ZNF24: variants seen among roughly 807,000 people sequenced by gnomAD.
The protein encoded by ZNF24 is retinoic acid suppression protein A.
In ZNF24, 11 loss-of-function variants were observed where a neutral mutation model predicts 40.9. The ratio of observed to expected loss-of-function variants is 0.27; its 90% CI spans 0.17 to 0.45. The LOEUF (loss-of-function observed/expected upper bound fraction) is 0.45. Ranked by LOEUF, ZNF24 falls within the 20% of genes least tolerant of loss-of-function variation. The pLI is 1.00. For synonymous variants in ZNF24, 139 were observed against 154.7 expected, an observed-to-expected ratio of 0.90 and a Z score of 0.75; for missense variants, 293 against 437.7, an observed-to-expected ratio of 0.67 and a Z score of 2.95.
chr18:35,337,076 A>G lies in ZNF24; in HGVS notation c.*156T>C, dbSNP rs1044866811. The G allele has an allele frequency of 3.3e-6, 2 of 600,562 alleles. No homozygotes were observed. The highest frequency in any genetic ancestry group is 3.8e-5 in the Admixed American group (1 of 26,542). 37.2% of individuals were successfully genotyped at this position (600,562 alleles called of 1,614,324 possible). A position where few individuals can be genotyped will look rare whatever the true frequency, so the allele number is the denominator to read the frequency against. On this transcript the variant is annotated 3_prime_UTR_variant, in exon 4 of 4. Transcript: ENST00000261332. ...TATGACACCATTTCTTTCAAGATAAATATCATAATGGTGAGTGAAGATTTT... is the reference window on the plus strand; with the variant it reads ...TATGACACCATTTCTTTCAAGATAAGTATCATAATGGTGAGTGAAGATTTT...
At position 35,340,597 on chromosome 18, in the gene ZNF24, A is replaced by C. The variant is rs1445525762; in HGVS notation, c.54T>G (p.Asp18Glu). Reference protein sequence around the residue: ...EDSILIIPTPDEEEKILRVKL... With the variant: ...EDSILIIPTPEEEEKILRVKL... ...TCACTCTCAGAATTTTTTCCTCTTC[A>C]TCTGGAGTTGGGATGATAAGTATTG... Residue 18 changes from aspartate to glutamate, a missense_variant, in exon 2 of 4, where the codon GAT becomes GAG. Coordinates refer to ENST00000261332, the MANE Select transcript of ZNF24 (RefSeq NM_006965.4). This position sits in a 1 kb window ranked among gnomAD's most constrained non-coding sequence, Gnocchi z 4.6. The C allele has an allele frequency of 1.2e-6, 2 of 1,613,988 alleles. No individual in the cohort carries two copies. The highest frequency in any genetic ancestry group is 1.3e-5 in the African/African-American group (1 of 74,886).
intron 1 of ZNF24, among the ~76,000 whole-genome samples, chr18:35,343,274 A>C (rs1485825541): frequency 6.6e-6 from 1 of 152,218 alleles, no homozygotes; most frequent in Non-Finnish European, 1.5e-5. Context: ...GATAGGCATT[A>C]ATCACAGAAA....
chr18:35,340,122 G>A lies in ZNF24; in HGVS notation c.420+109C>T, dbSNP rs1196634946. 1.3e-6 allele frequency: 2 copies of A among 1,501,312 alleles called. No homozygotes were observed. Among genetic ancestry groups the A allele is most frequent in the Admixed American group, 1.9e-5 (1 of 52,252 alleles). The allele number at this position is 1,501,312 out of a possible 1,614,324, so 93.0% of individuals were successfully genotyped here. A position where few individuals can be genotyped will look rare whatever the true frequency, so the allele number is the denominator to read the frequency against. Reference sequence around the variant, plus strand: ...AACAAGGAGTGGTAGGGGAATGGGGGAAAAGGCATAAACATAATTCTAACT... The same window carrying A: ...AACAAGGAGTGGTAGGGGAATGGGGAAAAAGGCATAAACATAATTCTAACT... On this transcript the variant is annotated intron_variant, in intron 2 of 3. Coordinates refer to ENST00000261332, the MANE Select transcript of ZNF24 (RefSeq NM_006965.4). The surrounding 1 kb of genome is among the most constrained non-coding windows in gnomAD (Gnocchi z 4.6).
intron 3 of ZNF24, 64 bp from the exon 4 acceptor site, chr18:35,337,834 A>T (rs1015456174): frequency 2.1e-6 from 3 of 1,460,798 alleles, no homozygotes; most frequent in Middle Eastern, 4.2e-4. Context: ...ACCTAAAAAA[A>T]ATTTTTTTTT....
intron 3 of ZNF24, chr18:35,338,197 G>A (rs572520230): frequency 1.0e-6 from 1 of 986,460 alleles, no homozygotes; most frequent in East Asian, 1.1e-4. Context: ...ATGTAAATTA[G>A]AAAAACATGT....
At position 35,339,914 on chromosome 18, in the gene ZNF24, A is replaced by G; in HGVS notation, c.483T>C (p.Ala161=). Residue 161 remains alanine (A), a synonymous_variant, in exon 3 of 4, where the codon GCT becomes GCC. Transcript: ENST00000261332. ...CAAGCTCAGAACTTGGTAATCCCTG[A>G]GCTTCTTCTTGAGATACCATGTCTT... ...LVEDMVSQEE[A]QGLPSSELDA... is the part of the protein sequence containing the mutation. 1 of 1,613,568 alleles carries G rather than the reference A, an allele frequency of 6.2e-7. No homozygotes were observed. Among genetic ancestry groups the G allele is most frequent in the Admixed American group, 1.7e-5 (1 of 59,996 alleles).
chr18:35,339,703 A>G (rs1421908763), intron 3 of ZNF24, 126 bp downstream of exon 3: 1 of 832,342 alleles, frequency 1.2e-6, no homozygotes, highest in Non-Finnish European at 1.7e-6. Flanking sequence ...CAACTTAATC[A>G]GAAAAAAACT....
chr18:35,334,586 T>A lies in ZNF24; in HGVS notation c.*2646A>T, dbSNP rs1203135910. 1 of 152,094 alleles carries A rather than the reference T, an allele frequency of 6.6e-6. No individual in the cohort carries two copies. Among genetic ancestry groups the A allele is most frequent in the African/African-American group, 2.4e-5 (1 of 41,432 alleles). The allele number at this position is 152,094 out of a possible 1,614,324, so 9.4% of individuals were successfully genotyped here. ...ATGCTCAGTGGCTACTGGGCAGATA[T>A]CAGCAATCTGCATGACCTAAAATGA... On this transcript the variant is annotated 3_prime_UTR_variant, in exon 4 of 4. Transcript: ENST00000261332.
intron 3 of ZNF24, chr18:35,339,169 A>C: frequency 1.2e-6 from 1 of 839,742 alleles, no homozygotes; most frequent in Non-Finnish European, 1.9e-6. Flanking sequence ...ATCAAAGGAT[A>C]CACATAAGTA....
At chr18:35,341,080 A>G (rs143912838) in intron 1 of ZNF24, among the ~76,000 whole-genome samples, 164 of 152,334 alleles carry the variant, frequency 1.1e-3, no homozygotes, top group Non-Finnish European at 1.4e-3. Context: ...AATGATATGA[A>G]ATTAACATGA....
chr18:35,338,755 G>C lies in ZNF24; in HGVS notation c.569-985C>G, dbSNP rs555757220. On this transcript the variant is annotated intron_variant, in intron 3 of 3. Coordinates refer to ENST00000261332, the MANE Select transcript of ZNF24 (RefSeq NM_006965.4). ...GCGTGAAGATTAAGTGGAGACAAAC[G>C]GCACACAGGAAACAGAAATTCCCAA... 24 of 1,227,778 alleles carry C rather than the reference G, an allele frequency of 2.0e-5. No homozygotes were observed. In the South Asian group the frequency reaches 6.5e-4, roughly 33 times the overall value. 76.1% of individuals were successfully genotyped at this position (1,227,778 alleles called of 1,614,324 possible).
Position 35,338,044 on chromosome 18 carries a change from A to G in ZNF24, c.569-274T>C, listed in dbSNP as rs926373568. ...GGTCAGAAAGATGGTAGATTCTAAGATGGTTAGGGAGATAGTCAAAATGAT... is the reference window on the plus strand; with the variant it reads ...GGTCAGAAAGATGGTAGATTCTAAGGTGGTTAGGGAGATAGTCAAAATGAT... On this transcript the variant is annotated intron_variant, in intron 3 of 3. Transcript: ENST00000261332. 5.5e-5 allele frequency: 30 copies of G among 547,428 alleles called. 1 individual carries two copies. The Admixed American group carries it at 9.2e-4, about 17-fold the overall frequency. The allele number at this position is 547,428 out of a possible 1,614,324, so 33.9% of individuals were successfully genotyped here.
chr18:35,340,122 GA>G lies in ZNF24; in HGVS notation c.420+108del. On this transcript the variant is annotated intron_variant, in intron 2 of 3. Transcript: ENST00000261332. This position sits in a 1 kb window ranked among gnomAD's most constrained non-coding sequence, Gnocchi z 4.6. ...AACAAGGAGTGGTAGGGGAATGGGG[GA>G]AAAGGCATAAACATAATTCTAACTT... 6.7e-6 allele frequency: 10 copies of G among 1,501,260 alleles called. No individual in the cohort carries two copies. The highest frequency in any genetic ancestry group is 1.9e-4 in the Middle Eastern group (1 of 5,200). 93.0% of individuals were successfully genotyped at this position (1,501,260 alleles called of 1,614,324 possible). A position where few individuals can be genotyped will look rare whatever the true frequency, so the allele number is the denominator to read the frequency against.
intron 3 of ZNF24, 65 bp from the exon 4 acceptor site, chr18:35,337,835 ATTTTT>A: frequency 8.2e-7 from 1 of 1,215,874 alleles, no homozygotes; most frequent in Middle Eastern, 2.5e-4. Flanking sequence ...CCTAAAAAAA[ATTTTT>A]TTTTTAATGA....
intron 1 of ZNF24, among the ~76,000 whole-genome samples, chr18:35,341,955 T>C (rs959445633): frequency 3.9e-5 from 6 of 152,170 alleles, no homozygotes; most frequent in African/African-American, 1.2e-4. Flanking sequence ...CCCAGCACTT[T>C]GGGAGGCTGA....
rs2044954423 is a variant in ZNF24, at chr18:35,340,218, C to A, written c.420+13G>T. Reference sequence around the variant, plus strand: ...AGTGCTTCTGACACAGGAAATGACACAAGCAGGCTCACCGGTTGTCCAGGG... The same window carrying A: ...AGTGCTTCTGACACAGGAAATGACAAAAGCAGGCTCACCGGTTGTCCAGGG... On this transcript the variant is annotated intron_variant, in intron 2 of 3. Coordinates refer to ENST00000261332, the MANE Select transcript of ZNF24 (RefSeq NM_006965.4). This position sits in a 1 kb window ranked among gnomAD's most constrained non-coding sequence, Gnocchi z 4.6. The A allele has an allele frequency of 1.2e-6, 2 of 1,606,798 alleles. No individual in the cohort carries two copies. The highest frequency in any genetic ancestry group is 1.7e-6 in the Non-Finnish European group (2 of 1,174,212).
chr18:35,340,916 C>A lies in ZNF24; in HGVS notation c.-83-183G>T, dbSNP rs2044963312. The stretch of plus-strand genomic sequence containing the variant: ...TAGCCTGCCACCCATTTCTGTACAA[C>A]ACTTGCACCAACAATAATTTTCACA... On this transcript the variant is annotated intron_variant, in intron 1 of 3. Transcript: ENST00000261332. This position sits in a 1 kb window ranked among gnomAD's most constrained non-coding sequence, Gnocchi z 4.6. Among the ~76,000 whole-genome samples the A allele has an allele frequency of 6.6e-6, 1 of 152,174 alleles. No individual in the cohort carries two copies. Among genetic ancestry groups the A allele is most frequent in the South Asian group, 2.1e-4 (1 of 4,830 alleles).
chr18:35,339,759 A>G (rs2044947941), intron 3 of ZNF24, 70 bp downstream of exon 3: 1 of 1,390,206 alleles, frequency 7.2e-7, no homozygotes, highest in Non-Finnish European at 9.6e-7. Flanking sequence ...CAGTGAGAAC[A>G]AGCAAAGTTC....
intron 3 of ZNF24, chr18:35,338,470 A>C: frequency 1.0e-6 from 1 of 985,494 alleles, no homozygotes; most frequent in Non-Finnish European, 1.2e-6. Flanking sequence ...TGTCCAATGA[A>C]AGAAAAGCCT....
Sources: gnomAD v4.1 joint callset for allele counts (sites outside exome capture counted in the v4.1 genomes callset) on GRCh38, gnomAD v4.1.1 for gene constraint, Gnocchi (gnomAD v3.1) non-coding constraint, MANE v1.5 for transcripts, NCBI Gene and HGNC (gene_info 2026-07-23, HGNC 2026-07-21) for gene names.